The following ZNF106 variants were observed in gnomAD, a reference collection of about 807,000 sequenced individuals.
ZNF106 encodes SH3-domain binding protein 3.
ZNF106 carries 67 observed loss-of-function variants against 195.1 expected under a neutral mutation model. That is an observed-to-expected ratio of 0.34 (90% CI 0.28 to 0.42). The LOEUF is 0.42. ZNF106 is among the 10% of genes least tolerant of loss of function. ZNF106 has a pLI of 1.00. For synonymous variants in ZNF106, 784 were observed against 818.6 expected (o/e 0.96, Z 0.72); for missense variants, 2,118 against 2,304.5 (o/e 0.92, Z 1.66).
intron 8 of ZNF106, 76 bp downstream of exon 8, chr15:42,444,751 C>G (rs1022881437): frequency 1.5e-5 from 24 of 1,573,628 alleles, no homozygotes; most frequent in Non-Finnish European, 1.9e-5. Flanking sequence ...TGGGGTGACT[C>G]CAGACATGGG....
intron 1 of ZNF106, among the ~76,000 whole-genome samples, chr15:42,485,044 G>A (rs1051272066): frequency 6.6e-6 from 1 of 151,680 alleles, no homozygotes; most frequent in African/African-American, 2.4e-5. Context: ...AGCTACTCAG[G>A]TGGCTGAGAC....
rs1022682521 is a variant in ZNF106, at chr15:42,413,683, C to T, written c.*3621G>A. ...TGTGTTAAGCAAATAATCACTTAAA[C>T]AGTAATAATATTGCCTCTAAATTAA... On this transcript the variant is annotated 3_prime_UTR_variant, in exon 22 of 22. Coordinates refer to ENST00000564754, the MANE Select transcript of ZNF106 (RefSeq NM_001366845.3). The T allele has an allele frequency of 2.6e-5, 4 of 152,556 alleles. No individual in the cohort carries two copies. The highest frequency in any genetic ancestry group is 9.7e-5 in the African/African-American group (4 of 41,430). The allele number at this position is 152,556 out of a possible 1,614,324, so 9.5% of individuals were successfully genotyped here. A position where few individuals can be genotyped will look rare whatever the true frequency, so the allele number is the denominator to read the frequency against.
intron 21 of ZNF106, 141 bp downstream of exon 21, chr15:42,417,664 C>A (rs1371660013): frequency 2.0e-6 from 2 of 1,010,484 alleles, no homozygotes; most frequent in Non-Finnish European, 2.8e-6. Context: ...TTAAGCTACC[C>A]CCCAAATCTC....
Position 42,444,782 on chromosome 15 carries a change from T to C in ZNF106, c.3360+45A>G, listed in dbSNP as rs78518597. The C allele has an allele frequency of 3.4e-3, 5,480 of 1,605,818 alleles. 33 individuals are homozygous for C. The highest frequency in any genetic ancestry group is 4.1e-3 in the South Asian group (366 of 89,622). On this transcript the variant is annotated intron_variant, in intron 8 of 21. Transcript: ENST00000564754. ...ATGGGTTTGGCAGCACAAAACAAGA[T>C]TTCGGAGATGATCCATTTTTATTAA...
chr15:42,439,164 T>C lies in ZNF106; in HGVS notation c.4413A>G (p.Pro1471=). ...AAATATCCTTTTTAGATGGGCTGTC[T>C]GGTTTCTCTTCTCCTGATTCTGAAG... The part of the protein sequence containing the change: ...IDSSESGEEK[P]DSPSKKDIWN... Residue 1471 remains proline, a synonymous_variant, in exon 11 of 22, where the codon CCA becomes CCG. Coordinates refer to ENST00000564754, the MANE Select transcript of ZNF106 (RefSeq NM_001366845.3). The C allele has an allele frequency of 6.2e-7, 1 of 1,614,140 alleles. No individual in the cohort carries two copies. Among genetic ancestry groups the C allele is most frequent in the Non-Finnish European group, 8.5e-7 (1 of 1,180,024 alleles).
chr15:42,486,672 T>C (rs956085093), intron 1 of ZNF106, among the ~76,000 whole-genome samples: 6 of 152,180 alleles, frequency 3.9e-5, no homozygotes, highest in African/African-American at 1.2e-4. Context: ...AAATATGCCA[T>C]AGGAACTTAA....
At chr15:42,438,294 G>A (rs1417900226) in intron 12 of ZNF106, among the ~76,000 whole-genome samples, 1 of 152,198 alleles carries the variant, frequency 6.6e-6, no homozygotes. Context: ...GGGAGGCTGA[G>A]GCAGGAGAAC....
At chr15:42,468,563 T>C (rs1315558973) in intron 2 of ZNF106, among the ~76,000 whole-genome samples, 1 of 150,234 alleles carries the variant, frequency 6.7e-6, no homozygotes, top group Non-Finnish European at 1.5e-5. Flanking sequence ...ACCAACATGG[T>C]GATACCCCGT....
intron 18 of ZNF106, 55 bp downstream of exon 18, chr15:42,422,446 C>A: frequency 6.3e-7 from 1 of 1,583,778 alleles, no homozygotes; most frequent in Non-Finnish European, 8.6e-7. Flanking sequence ...AACACTAAAC[C>A]CAAATAGACA....
intron 14 of ZNF106, among the ~76,000 whole-genome samples, chr15:42,434,564 CATATA>C (rs1595447331): frequency 6.6e-6 from 1 of 152,160 alleles, no homozygotes; most frequent in Non-Finnish European, 1.5e-5. Flanking sequence ...CCTGTTATCA[CATATA>C]TTCCACCTAT....
In ZNF106 at chr15:42,438,468, T is replaced by C. The variant is rs1018946784; in HGVS notation, c.4600+144A>G. ...TGAGGTTTTAAGAATATCAGAACTG[T>C]TGATCAAGGCAATCCTCTTGGTGAT... On this transcript the variant is annotated intron_variant, in intron 12 of 21. Coordinates refer to ENST00000564754, the MANE Select transcript of ZNF106 (RefSeq NM_001366845.3). 7.3e-6 allele frequency: 5 copies of C among 687,888 alleles called. No individual in the cohort carries two copies. The South Asian group carries it at 8.1e-5, about 11-fold the overall frequency. The allele number at this position is 687,888 out of a possible 1,614,324, so 42.6% of individuals were successfully genotyped here.
chr15:42,467,111 G>A (rs141220065), intron 2 of ZNF106, among the ~76,000 whole-genome samples: 2,393 of 152,126 alleles, frequency 0.016, 65 homozygotes, highest in African/African-American at 0.055. Flanking sequence ...CCAGCCTGGC[G>A]ACAGAACGAG....
chr15:42,482,612 T>A (rs2056928299), intron 1 of ZNF106, among the ~76,000 whole-genome samples: 1 of 138,804 alleles, frequency 7.2e-6, no homozygotes, highest in Non-Finnish European at 1.5e-5. Context: ...CACTGCAAGC[T>A]CCTCCTCCCG....
At chr15:42,478,579 G>A (rs2056835116) in intron 1 of ZNF106, among the ~76,000 whole-genome samples, 1 of 133,452 alleles carries the variant, frequency 7.5e-6, no homozygotes, top group Non-Finnish European at 1.5e-5. Flanking sequence ...GCAGTGGCAT[G>A]ATCTCAGCTC....
Position 42,449,997 on chromosome 15 carries a change from TGTGCCGGGTTAGATCCCTCTGAA to T in ZNF106, c.2252_2274del (p.Leu751HisfsTer2). On this transcript the variant is annotated frameshift_variant, in exon 5 of 22. Coordinates refer to ENST00000564754, the MANE Select transcript of ZNF106 (RefSeq NM_001366845.3). LOFTEE classifies it high-confidence loss of function. ...ACTCCAGTTTTGCTCTTCAAACTAA[TGTGCCGGGTTAGATCCCTCTGAA>T]GTGAGGCAGGAAAGCCAAGCTTACT... 1 of 1,614,226 alleles carries T rather than the reference TGTGCCGGGTTAGATCCCTCTGAA, an allele frequency of 6.2e-7. No individual in the cohort carries two copies. Among genetic ancestry groups the T allele is most frequent in the Non-Finnish European group, 8.5e-7 (1 of 1,180,044 alleles).
At chr15:42,417,403 G>C in intron 21 of ZNF106, 43 bp from the exon 22 acceptor site, 1 of 1,610,102 alleles carries the variant, frequency 6.2e-7, no homozygotes, top group East Asian at 2.2e-5. Flanking sequence ...GAAGTCGATA[G>C]TAAGACAGGA....
At chr15:42,423,931 A>C (rs2054760784) in intron 17 of ZNF106, 67 bp downstream of exon 17, 1 of 1,469,774 alleles carries the variant, frequency 6.8e-7, no homozygotes, top group South Asian at 1.3e-5. Flanking sequence ...AAGAGGTTTA[A>C]GAAAACCATC....
intron 1 of ZNF106, among the ~76,000 whole-genome samples, chr15:42,488,005 G>A (rs181899569): frequency 8.5e-4 from 130 of 152,150 alleles, no homozygotes; most frequent in African/African-American, 2.8e-3. Flanking sequence ...CATACCTTCC[G>A]TATACTTTAA....
rs1428908145 is a variant in ZNF106 at position 42,439,694 on chromosome 15, T to C, written c.3883A>G (p.Asn1295Asp). 1 of 1,614,076 alleles carries C rather than the reference T, an allele frequency of 6.2e-7. No homozygotes were observed. Among genetic ancestry groups the C allele is most frequent in the Non-Finnish European group, 8.5e-7 (1 of 1,180,010 alleles). Residue 1295 changes from asparagine (N) to aspartate (D), a missense_variant, in exon 11 of 22, where the codon AAT becomes GAT. Asn to Asp is a conservative substitution (Grantham distance 23). Transcript: ENST00000564754. ...GGAGAGTTTTCTCTGTTTCTGGTATTTCTTTGCTCCACAGAAAACTTCAGT... is the reference window on the plus strand; with the variant it reads ...GGAGAGTTTTCTCTGTTTCTGGTATCTCTTTGCTCCACAGAAAACTTCAGT... ...QELKFSVEQR[N>D]TRNRENSPSS... is the part of the protein sequence containing the mutation.
Sources: gnomAD v4.1 joint callset for allele counts (sites outside exome capture counted in the v4.1 genomes callset) on GRCh38, gnomAD v4.1.1 for gene constraint, MANE v1.5 for transcripts, NCBI Gene and HGNC (gene_info 2026-07-23, HGNC 2026-07-21) for gene names.